WDPCP: variants seen among roughly 807,000 people sequenced by gnomAD.
WDPCP encodes the protein WD repeat-containing and planar cell polarity effector protein fritz homolog.
A neutral mutation model predicts 93.1 loss-of-function variants in WDPCP; 71 were observed. The ratio of observed to expected loss-of-function variants is 0.76; its 90% confidence interval spans 0.63 to 0.93. WDPCP has a LOEUF of 0.93. Among genes scored for constraint, WDPCP ranks in the 40% least tolerant of loss-of-function variants. WDPCP has a pLI of 0.00. For synonymous variants in WDPCP, 315 were observed against 315.0 expected (o/e 1.00, Z 0.00); for missense variants, 844 against 887.4 (o/e 0.95, Z 0.62).
intron 12 of WDPCP, among the ~76,000 whole-genome samples, chr2:63,317,970 AG>A (rs1383160914): frequency 6.6e-6 from 1 of 152,212 alleles, no homozygotes; most frequent in African/African-American, 2.4e-5. Flanking sequence ...CTATCAAAAA[AG>A]TAAACAGAGA....
At chr2:63,411,923 G>T (rs1181397547) in intron 9 of WDPCP, among the ~76,000 whole-genome samples, 1 of 152,112 alleles carries the variant, frequency 6.6e-6, no homozygotes, top group Non-Finnish European at 1.5e-5. Context: ...GGATCAGACG[G>T]ATTCACAGCA....
chr2:63,399,024 G>GA (rs1426664368), intron 10 of WDPCP, among the ~76,000 whole-genome samples: 1 of 151,898 alleles, frequency 6.6e-6, no homozygotes, highest in Non-Finnish European at 1.5e-5. Flanking sequence ...CTACTCTTCC[G>GA]AGGAAAAATA....
intron 10 of WDPCP, among the ~76,000 whole-genome samples, chr2:63,398,990 T>G (rs1693952229): frequency 6.6e-6 from 1 of 152,124 alleles, no homozygotes; most frequent in South Asian, 2.1e-4. Context: ...AATCTGCTAG[T>G]TGGAATCTTC....
intron 3 of WDPCP, among the ~76,000 whole-genome samples, chr2:63,638,855 T>C (rs1320722103): frequency 6.7e-6 from 1 of 149,810 alleles, no homozygotes; most frequent in Non-Finnish European, 1.5e-5. Flanking sequence ...AAAACATTAG[T>C]AATGTTGACA....
At chr2:63,642,550 T>A (rs1018889071) in intron 3 of WDPCP, 1 of 152,054 alleles carries the variant, frequency 6.6e-6, no homozygotes, top group Non-Finnish European at 1.5e-5. Flanking sequence ...GGATTTTATT[T>A]TATTTGTGGC....
intron 2 of WDPCP, among the ~76,000 whole-genome samples, chr2:63,723,073 A>T (rs1327909884): frequency 6.6e-6 from 1 of 152,150 alleles, no homozygotes; most frequent in Non-Finnish European, 1.5e-5. Context: ...TGTTAAACAG[A>T]TGCTTGAAGG....
At chr2:63,723,298 A>AG (rs990882752) in intron 2 of WDPCP, among the ~76,000 whole-genome samples, 1 of 151,924 alleles carries the variant, frequency 6.6e-6, no homozygotes, top group Non-Finnish European at 1.5e-5. Flanking sequence ...TTAAAAAAAA[A>AG]AAAAAAAGAA....
chr2:63,172,333 C>T (rs962691484), intron 15 of WDPCP, among the ~76,000 whole-genome samples: 6 of 152,114 alleles, frequency 3.9e-5, no homozygotes, highest in African/African-American at 1.2e-4. Flanking sequence ...TGGTGAAACC[C>T]TGTTTCTACA....
chr2:63,206,345 C>T (rs1038301344), intron 14 of WDPCP, among the ~76,000 whole-genome samples: 5 of 152,158 alleles, frequency 3.3e-5, no homozygotes, highest in Non-Finnish European at 7.4e-5. Context: ...GAGCATTACT[C>T]GAATTAGTAA....
intron 2 of WDPCP, among the ~76,000 whole-genome samples, chr2:63,769,288 A>G (rs1670190908): frequency 6.6e-6 from 1 of 151,974 alleles, no homozygotes; most frequent in African/African-American, 2.4e-5. Context: ...TCACTGAGAA[A>G]AAGAAGCTCA....
intron 1 of WDPCP, among the ~76,000 whole-genome samples, chr2:63,555,977 A>G (rs1387787308): frequency 6.6e-6 from 1 of 152,230 alleles, no homozygotes; most frequent in Non-Finnish European, 1.5e-5. Context: ...GCAAGGGCAC[A>G]GAACTGGATG....
intron 1 of WDPCP, among the ~76,000 whole-genome samples, chr2:63,540,204 C>T (rs942990091): frequency 2.6e-5 from 4 of 151,988 alleles, no homozygotes; most frequent in African/African-American, 7.3e-5. Context: ...ATTTATTTGG[C>T]CTCAATATTC....
chr2:63,630,354 A>T (rs1709852178), intron 3 of WDPCP, among the ~76,000 whole-genome samples: 1 of 152,236 alleles, frequency 6.6e-6, no homozygotes, highest in Admixed American at 6.5e-5. Context: ...GAAGGGATTT[A>T]AAAAGATGAC....
chr2:63,229,442 A>T (rs1678623415), intron 14 of WDPCP: 1 of 151,534 alleles, frequency 6.6e-6, no homozygotes, highest in African/African-American at 2.4e-5. Context: ...GTTTAATTAG[A>T]TCCCATTTGT....
In WDPCP at chr2:63,410,133, C is replaced by T. The variant is rs1282224570; in HGVS notation, c.826-5476G>A. Among the ~76,000 whole-genome samples the T allele has an allele frequency of 3.3e-5, 5 of 152,138 alleles. No individual in the cohort carries two copies. The East Asian group carries it at 9.6e-4, about 29-fold the overall frequency. Reference sequence around the variant, plus strand: ...CTGTGAGACAGAAGCACGTGGTAACCTAAAAAGGAAAACCTATCAGATTAA... The same window carrying T: ...CTGTGAGACAGAAGCACGTGGTAACTTAAAAAGGAAAACCTATCAGATTAA... On this transcript the variant is annotated intron_variant, in intron 9 of 17. Transcript: ENST00000272321.
chr2:63,751,572 T>C lies in WDPCP; in HGVS notation n.308+62050A>G, dbSNP rs574767716. 63 of 413,898 alleles carry C rather than the reference T, an allele frequency of 1.5e-4. 2 individuals are homozygous for C. The highest frequency in any genetic ancestry group is 9.2e-4 in the African/African-American group (44 of 47,898). The allele number at this position is 413,898 out of a possible 1,614,324, so 25.6% of individuals were successfully genotyped here. A position where few individuals can be genotyped will look rare whatever the true frequency, so the allele number is the denominator to read the frequency against. ...TATCTAAAACATGTCTTTTTTTTTA[T>C]AGCAGCTAGGCCCTGCCACCACTGT... On this transcript the variant is annotated intron_variant and non_coding_transcript_variant, in intron 2 of 4. Coordinates refer to the WDPCP transcript ENST00000467687.
chr2:63,723,695 C>T (rs907953140), intron 2 of WDPCP, among the ~76,000 whole-genome samples: 2 of 152,212 alleles, frequency 1.3e-5, no homozygotes, highest in African/African-American at 2.4e-5. Flanking sequence ...ACACCTCTGG[C>T]CCCACCCAAT....
intron 13 of WDPCP, 24 bp from the exon 14 acceptor site, chr2:63,259,433 A>T (rs1207170955): frequency 6.3e-7 from 1 of 1,580,004 alleles, no homozygotes; most frequent in East Asian, 2.2e-5. Context: ...GCAAAATAAA[A>T]GATTGATTCA....
At chr2:63,167,632 A>C (rs1017447733) in intron 15 of WDPCP, among the ~76,000 whole-genome samples, 5 of 152,210 alleles carry the variant, frequency 3.3e-5, no homozygotes, top group African/African-American at 4.8e-5. Context: ...TGTAATATTT[A>C]GTGAAATTTA....
Sources: allele counts gnomAD v4.1 joint callset (sites outside exome capture counted in the v4.1 genomes callset), GRCh38; gene constraint gnomAD v4.1.1; transcripts MANE v1.5; gene names NCBI Gene and HGNC (gene_info 2026-07-23, HGNC 2026-07-21).